Variants in PLCL2 observed in about 807,000 individuals in gnomAD.
PLCL2 encodes inactive phospholipase C-like protein 2.
PLCL2 carries 4 observed loss-of-function variants against 79.6 expected under a neutral mutation model. The ratio of observed to expected loss-of-function variants is 0.05; its 90% CI spans 0.02 to 0.11. The LOEUF is 0.11. Ranked by LOEUF, PLCL2 falls within the 10% of genes least tolerant of loss-of-function variation. The pLI is 1.00. For missense variants in PLCL2, 895 were observed against 1,291.0 expected (o/e 0.69, Z 4.70); for synonymous variants, 484 against 457.7 (o/e 1.06, Z -0.73).
intron 1 of PLCL2, among the ~76,000 whole-genome samples, chr3:16,937,222 A>T (rs1052648980): frequency 2.6e-5 from 4 of 152,186 alleles, no homozygotes; most frequent in African/African-American, 9.7e-5. Context: ...TCTATTTTCA[A>T]GTAATTTGTC....
chr3:16,965,751 G>A (rs1410855100), intron 1 of PLCL2, among the ~76,000 whole-genome samples: 1 of 152,012 alleles, frequency 6.6e-6, no homozygotes, highest in Non-Finnish European at 1.5e-5. Flanking sequence ...CTTGTAAGCT[G>A]GATTCCTAGG....
chr3:17,087,923 A>G (rs1268875190), intron 5 of PLCL2, among the ~76,000 whole-genome samples: 1 of 152,198 alleles, frequency 6.6e-6, no homozygotes, highest in Admixed American at 6.5e-5. Flanking sequence ...AGGGAAATAC[A>G]CTATTTAACA....
At chr3:16,965,028 G>T (rs1298418980) in intron 1 of PLCL2, among the ~76,000 whole-genome samples, 1 of 151,670 alleles carries the variant, frequency 6.6e-6, no homozygotes. Context: ...AGTTTAATTA[G>T]ATCCCATTGG....
intron 1 of PLCL2, among the ~76,000 whole-genome samples, chr3:16,977,890 G>A (rs1435669959): frequency 1.3e-5 from 2 of 152,178 alleles, no homozygotes; most frequent in Non-Finnish European, 2.9e-5. Flanking sequence ...TTCATAGATG[G>A]CACCTAATCT....
intron 2 of PLCL2, among the ~76,000 whole-genome samples, chr3:17,013,535 A>G (rs1261084128): frequency 1.3e-5 from 2 of 152,226 alleles, no homozygotes; most frequent in African/African-American, 4.8e-5. Context: ...CACAGTCATG[A>G]TTGATTTCTG....
At chr3:16,914,976 T>G (rs1696960619) in intron 1 of PLCL2, among the ~76,000 whole-genome samples, 1 of 152,104 alleles carries the variant, frequency 6.6e-6, no homozygotes, top group Non-Finnish European at 1.5e-5. Context: ...AAGTGATCCT[T>G]CCACCTCAGC....
intron 3 of PLCL2, among the ~76,000 whole-genome samples, chr3:17,017,711 C>G (rs1340213935): frequency 6.6e-6 from 1 of 152,168 alleles, no homozygotes; most frequent in Non-Finnish European, 1.5e-5. Flanking sequence ...TGTGTCATGG[C>G]CAGTCTACAT....
rs143170691 is a variant in PLCL2, at chr3:17,011,254, G to C, written c.1908G>C (p.Ser636=). 1 of 1,614,186 alleles carries C rather than the reference G, an allele frequency of 6.2e-7. No individual in the cohort carries two copies. The highest frequency in any genetic ancestry group is 1.3e-5 in the African/African-American group (1 of 75,046). ...TTCAGTTCAAAGAATTTCAGGTGTC[G>C]TTTCAGGTTCAGAAGTACTGGGAAG... is the stretch of plus-strand genomic sequence containing the variant. The part of the protein sequence containing the change: ...KSVQFKEFQV[S]FQVQKYWEVC... Residue 636 remains serine, a synonymous_variant, in exon 2 of 6, where the codon TCG becomes TCC. Coordinates refer to ENST00000615277, the MANE Select transcript of PLCL2 (RefSeq NM_001144382.2). The surrounding 1 kb of genome is among the most constrained non-coding windows in gnomAD (Gnocchi z 7.9).
At chr3:16,892,789 A>G (rs541087630) in intron 1 of PLCL2, among the ~76,000 whole-genome samples, 5 of 152,190 alleles carry the variant, frequency 3.3e-5, no homozygotes, top group Non-Finnish European at 7.3e-5. Flanking sequence ...GTAAGGAGAC[A>G]TTATCATTCC....
intron 4 of PLCL2, among the ~76,000 whole-genome samples, chr3:17,055,536 CA>C (rs1360337329): frequency 6.6e-6 from 1 of 152,194 alleles, no homozygotes; most frequent in African/African-American, 2.4e-5. Flanking sequence ...CTAAGATTCC[CA>C]CATCATATAT....
intron 1 of PLCL2, among the ~76,000 whole-genome samples, chr3:16,940,592 C>T (rs1697656022): frequency 6.6e-6 from 1 of 152,026 alleles, no homozygotes; most frequent in Non-Finnish European, 1.5e-5. Flanking sequence ...CAGCAACATG[C>T]AATTTACTCA....
At chr3:17,028,243 A>T (rs1255074224) in intron 3 of PLCL2, among the ~76,000 whole-genome samples, 29 of 152,110 alleles carry the variant, frequency 1.9e-4, no homozygotes, top group Admixed American at 1.9e-3. Flanking sequence ...GAGGAGGAGG[A>T]CTTTCTCTCA....
At position 16,981,073 on chromosome 3, in the gene PLCL2, C is replaced by T. The variant is rs4685417; in HGVS notation, c.328-28601C>T. On this transcript the variant is annotated intron_variant, in intron 1 of 5. Coordinates refer to ENST00000615277, the MANE Select transcript of PLCL2 (RefSeq NM_001144382.2). ...ATCAGGCAGGGAGGTTGCAGTGAGC[C>T]GAGATGGCAGCAGTACCGTCCAGCT... 7.9e-3 allele frequency among the ~76,000 whole-genome samples: 1,207 copies of T among 152,208 alleles called. 41 individuals carry two copies. The East Asian group carries it at 0.12, about 15-fold the overall frequency.
At chr3:17,021,501 G>T (rs2064452467) in intron 3 of PLCL2, among the ~76,000 whole-genome samples, 1 of 152,036 alleles carries the variant, frequency 6.6e-6, no homozygotes, top group African/African-American at 2.4e-5. Context: ...GCATGTAAGT[G>T]GTGGTAATTG....
intron 1 of PLCL2, among the ~76,000 whole-genome samples, chr3:16,983,075 A>G (rs2064016387): frequency 6.6e-6 from 1 of 152,318 alleles, no homozygotes; most frequent in East Asian, 1.9e-4. Context: ...TATACTAAAT[A>G]ACATTTTGAA....
chr3:16,917,829 G>A (rs1215028845), intron 1 of PLCL2, among the ~76,000 whole-genome samples: 1 of 152,178 alleles, frequency 6.6e-6, no homozygotes, highest in African/African-American at 2.4e-5. Flanking sequence ...ACTCCTTGGT[G>A]GGGGAGTGGC....
chr3:16,988,483 C>T (rs1487049711), intron 1 of PLCL2, among the ~76,000 whole-genome samples: 1 of 152,062 alleles, frequency 6.6e-6, no homozygotes. Context: ...AATGGAATCC[C>T]TCTTGAGTTC....
At chr3:16,961,200 T>C (rs1034249203) in intron 1 of PLCL2, among the ~76,000 whole-genome samples, 1 of 152,252 alleles carries the variant, frequency 6.6e-6, no homozygotes, top group Non-Finnish European at 1.5e-5. Context: ...ATTTAGTGTA[T>C]ACCACTAGCA....
intron 1 of PLCL2, among the ~76,000 whole-genome samples, chr3:16,921,991 GA>G (rs1697134623): frequency 6.6e-6 from 1 of 152,080 alleles, no homozygotes; most frequent in South Asian, 2.1e-4. Flanking sequence ...AAAAAAGAGA[GA>G]AAAAAGTTGC....
Sources: allele counts gnomAD v4.1 joint callset (sites outside exome capture counted in the v4.1 genomes callset), GRCh38; gene constraint gnomAD v4.1.1; non-coding constraint Gnocchi (gnomAD v3.1); transcripts MANE v1.5; gene names NCBI Gene and HGNC (gene_info 2026-07-23, HGNC 2026-07-21).